The following RBMS3 variants were observed in gnomAD, a reference collection of about 807,000 sequenced individuals.
The protein encoded by RBMS3 is RNA binding motif single stranded interacting protein 3.
RBMS3 carries 27 observed loss-of-function variants against 66.8 expected under a neutral mutation model. The ratio of observed to expected loss-of-function variants is 0.40; its 90% CI spans 0.30 to 0.56. The LOEUF (loss-of-function observed/expected upper bound fraction) is 0.56, where lower values mean the gene tolerates loss of function less well. RBMS3 is among the 20% of genes least tolerant of loss of function. The pLI, the probability that RBMS3 is intolerant of heterozygous loss-of-function variation, is 0.40. For missense variants in RBMS3, 513 were observed against 549.5 expected, an observed-to-expected ratio of 0.93 and a Z score of 0.66; for synonymous variants, 188 against 183.0, an observed-to-expected ratio of 1.03 and a Z score of -0.22.
chr3:29,985,712 G>C lies in RBMS3; in HGVS notation c.1099-2431G>C, dbSNP rs138398609. On this transcript the variant is annotated intron_variant, in intron 12 of 14. Transcript: ENST00000383767. The stretch of plus-strand genomic sequence containing the variant: ...AACCAATCCCAATGAGATGAGCCAG[G>C]TACCTCAGTTGGAAATGCAGAAGTC... Among the ~76,000 whole-genome samples, 11 of 152,180 alleles carry C rather than the reference G, an allele frequency of 7.2e-5. No homozygotes were observed. The East Asian group carries it at 2.1e-3, about 30-fold the overall frequency.
intron 6 of RBMS3, among the ~76,000 whole-genome samples, chr3:29,764,652 G>C (rs533122266): frequency 8.2e-4 from 125 of 152,150 alleles, no homozygotes; most frequent in African/African-American, 2.9e-3. Context: ...ATGTCAAAAA[G>C]ACGTATTGAA....
At chr3:29,543,390 T>A (rs1576176413) in intron 3 of RBMS3, among the ~76,000 whole-genome samples, 2 of 152,148 alleles carry the variant, frequency 1.3e-5, no homozygotes, top group African/African-American at 4.8e-5. Context: ...ACAATTCATA[T>A]TTACAAAATA....
intron 7 of RBMS3, among the ~76,000 whole-genome samples, chr3:29,879,047 T>A (rs2059676408): frequency 6.6e-6 from 1 of 151,948 alleles, no homozygotes; most frequent in Admixed American, 6.6e-5. Context: ...TCTAAAATAT[T>A]TAAAGTAAAA....
intron 10 of RBMS3, among the ~76,000 whole-genome samples, chr3:29,924,327 A>G (rs2060872926): frequency 6.6e-6 from 1 of 152,154 alleles, no homozygotes; most frequent in South Asian, 2.1e-4. Context: ...TCACAAATCT[A>G]TATCTAGCAG....
chr3:29,846,805 CA>C (rs1047234650), intron 6 of RBMS3, among the ~76,000 whole-genome samples: 1 of 151,988 alleles, frequency 6.6e-6, no homozygotes, highest in Non-Finnish European at 1.5e-5. Flanking sequence ...ATCCAACGCC[CA>C]AATGAATTGA....
chr3:29,456,567 A>G (rs1275834617), intron 2 of RBMS3, among the ~76,000 whole-genome samples: 1 of 152,204 alleles, frequency 6.6e-6, no homozygotes, highest in Non-Finnish European at 1.5e-5. Context: ...TATTCATACT[A>G]TGTGGGATTA....
chr3:29,699,427 G>A (rs1381329180), intron 4 of RBMS3, among the ~76,000 whole-genome samples: 1 of 152,138 alleles, frequency 6.6e-6, no homozygotes, highest in African/African-American at 2.4e-5. Context: ...TATTACAGGC[G>A]TGAGCCACCG....
At chr3:29,506,703 C>A (rs2148947468) in intron 3 of RBMS3, among the ~76,000 whole-genome samples, 1 of 151,928 alleles carries the variant, frequency 6.6e-6, no homozygotes, top group East Asian at 1.9e-4. Flanking sequence ...TCATCAGGTC[C>A]CGGACTTTTC....
At chr3:29,484,222 T>G (rs1342267826) in intron 2 of RBMS3, among the ~76,000 whole-genome samples, 1 of 152,216 alleles carries the variant, frequency 6.6e-6, no homozygotes, top group African/African-American at 2.4e-5. Context: ...TCAGGAGGCC[T>G]TGGAGAGAAG....
intron 4 of RBMS3, among the ~76,000 whole-genome samples, chr3:29,711,567 G>A (rs2053170295): frequency 6.6e-6 from 1 of 152,054 alleles, no homozygotes; most frequent in Admixed American, 6.6e-5. Context: ...CACCTAATCC[G>A]ACCATTTTAA....
At chr3:29,977,543 A>G (rs1227257593) in intron 12 of RBMS3, among the ~76,000 whole-genome samples, 3 of 152,160 alleles carry the variant, frequency 2.0e-5, no homozygotes, top group African/African-American at 7.2e-5. Flanking sequence ...GTTTCTTCAC[A>G]CAACACCGTG....
chr3:29,609,947 A>G (rs79622935), intron 4 of RBMS3, among the ~76,000 whole-genome samples: 11,534 of 152,134 alleles, frequency 0.076, 475 homozygotes, highest in Non-Finnish European at 0.085. Flanking sequence ...AGGTGCACGT[A>G]GAGCTTTTCT....
At chr3:29,703,763 A>C (rs1019700057) in intron 4 of RBMS3, among the ~76,000 whole-genome samples, 5 of 152,204 alleles carry the variant, frequency 3.3e-5, no homozygotes, top group African/African-American at 1.2e-4. Context: ...TATTCATTTA[A>C]TCCAGGGATC....
chr3:29,442,762 A>T (rs903637557), intron 2 of RBMS3, among the ~76,000 whole-genome samples: 4 of 152,036 alleles, frequency 2.6e-5, no homozygotes, highest in African/African-American at 9.7e-5. Context: ...TTTAGTCCTT[A>T]TTTTAATTAA....
chr3:29,708,158 A>G (rs1419719010), intron 4 of RBMS3, among the ~76,000 whole-genome samples: 2 of 152,178 alleles, frequency 1.3e-5, no homozygotes, highest in East Asian at 1.9e-4. Flanking sequence ...ACACTCTCAG[A>G]TGGTACCTTA....
intron 1 of RBMS3, among the ~76,000 whole-genome samples, chr3:29,395,905 G>A (rs955921244): frequency 1.3e-5 from 2 of 152,142 alleles, no homozygotes; most frequent in East Asian, 3.8e-4. Context: ...GGAATTATTG[G>A]AAATCAAAAT....
In RBMS3 at chr3:29,756,778, C is replaced by G. The variant is rs974382807; in HGVS notation, c.558-6132C>G. 2.0e-5 allele frequency among the ~76,000 whole-genome samples: 3 copies of G among 152,096 alleles called. No homozygotes were observed. In the South Asian group the frequency reaches 6.2e-4, roughly 32 times the overall value. ...TTTAGTAACTCACTAAAATGACTCT[C>G]AAAGCACTTTATGTTTATCAGTTTA... On this transcript the variant is annotated intron_variant, in intron 5 of 14. Coordinates refer to ENST00000383767, the MANE Select transcript of RBMS3 (RefSeq NM_001003793.3).
At chr3:29,465,346 A>C (rs2042502150) in intron 2 of RBMS3, among the ~76,000 whole-genome samples, 1 of 152,164 alleles carries the variant, frequency 6.6e-6, no homozygotes, top group African/African-American at 2.4e-5. Flanking sequence ...CATTTTAATG[A>C]GTGTTTCTAA....
At chr3:29,911,236 A>G (rs1447118835) in intron 10 of RBMS3, among the ~76,000 whole-genome samples, 1 of 152,084 alleles carries the variant, frequency 6.6e-6, no homozygotes, top group Non-Finnish European at 1.5e-5. Flanking sequence ...CAAAGTGATC[A>G]GTAGATTGTA....
Sources: gnomAD v4.1 joint callset for allele counts (sites outside exome capture counted in the v4.1 genomes callset) on GRCh38, gnomAD v4.1.1 for gene constraint, MANE v1.5 for transcripts, NCBI Gene and HGNC (gene_info 2026-07-23, HGNC 2026-07-21) for gene names.